The following NISCH variants were observed in gnomAD, a reference collection of about 807,000 sequenced individuals.
NISCH encodes nischarin.
A neutral mutation model predicts 138.4 loss-of-function variants in NISCH; 55 were observed. That is an observed-to-expected ratio of 0.40 (90% confidence interval 0.32 to 0.50). The LOEUF (loss-of-function observed/expected upper bound fraction) is 0.50. NISCH is among the 20% of genes least tolerant of loss of function. NISCH has a pLI of 0.71. For missense variants in NISCH, 1,643 were observed against 2,005.5 expected, an observed-to-expected ratio of 0.82 and a Z score of 3.45; for synonymous variants, 860 against 861.5, an observed-to-expected ratio of 1.00 and a Z score of 0.03.
chr3:52,473,812 T>G lies in NISCH; in HGVS notation c.748T>G (p.Ser250Ala). 6.2e-7 allele frequency: 1 copy of G among 1,608,130 alleles called. No homozygotes were observed. The highest frequency in any genetic ancestry group is 8.5e-7 in the Non-Finnish European group (1 of 1,175,466). ...PTLATLSVRF[S>A]ATSMKEVLVP... ...CTTAGCCACGCTGAGTGTCCGCTTC[T>G]CAGCAACCTCGATGAAGGTAAGCTT... The change falls in exon 7 of 21, where the codon TCA becomes GCA. Residue 250 changes from serine (S) to alanine (A), a missense_variant. Transcript: ENST00000345716.
chr3:52,474,028 A>C (rs1476632699), intron 7 of NISCH, among the ~76,000 whole-genome samples, 199 bp downstream of exon 7: 1 of 152,236 alleles, frequency 6.6e-6, no homozygotes, highest in African/African-American at 2.4e-5. Context: ...TCACATCTGC[A>C]TAAAAAGTTC....
Position 52,492,024 on chromosome 3 carries a change from G to T in NISCH, c.4057G>T (p.Ala1353Ser), listed in dbSNP as rs749260531. 3.1e-6 allele frequency: 5 copies of T among 1,613,120 alleles called. No individual in the cohort carries two copies. In the East Asian group the frequency reaches 8.9e-5, roughly 29 times the overall value. The change falls in exon 21 of 21, where the codon GCC becomes TCC. Residue 1353 changes from alanine (A) to serine (S), a missense_variant. Transcript: ENST00000345716. ...CCTCAGCATCCTGCTGTACGTGCAG[G>T]CCTTCCAGGTGGGCATGCCACCCCC... ...PALSILLYVQAFQVGMPPPGC... is the reference protein window; with the variant it reads ...PALSILLYVQSFQVGMPPPGC...
chr3:52,474,571 C>G (rs537379873), intron 7 of NISCH, among the ~76,000 whole-genome samples: 1 of 152,306 alleles, frequency 6.6e-6, no homozygotes, highest in East Asian at 1.9e-4. Flanking sequence ...GCTGGGATTA[C>G]AGGCGTGAGC....
intron 17 of NISCH, 156 bp downstream of exon 17, chr3:52,489,834 T>A: frequency 7.4e-7 from 1 of 1,347,358 alleles, no homozygotes; most frequent in Non-Finnish European, 9.9e-7. Context: ...AGTGAGGTCC[T>A]GAGTTGCCCT....
At chr3:52,480,071 C>T in intron 12 of NISCH, 113 bp from the exon 13 acceptor site, 3 of 1,222,350 alleles carry the variant, frequency 2.5e-6, no homozygotes, top group Admixed American at 1.9e-5. Context: ...ATGATGAGAC[C>T]ATCTTTACCA....
chr3:52,476,382 T>C (rs929572977), intron 7 of NISCH, 65 bp from the exon 8 acceptor site: 1 of 1,573,902 alleles, frequency 6.4e-7, no homozygotes, highest in South Asian at 1.1e-5. Context: ...CTGCAACGAC[T>C]GTGTTCCCAG....
In NISCH at chr3:52,488,573, T is replaced by G; in HGVS notation, c.3081T>G (p.Phe1027Leu). The G allele has an allele frequency of 6.2e-7, 1 of 1,611,992 alleles. No individual in the cohort carries two copies. Among genetic ancestry groups the G allele is most frequent in the Non-Finnish European group, 8.5e-7 (1 of 1,179,366 alleles). Residue 1027 changes from phenylalanine to leucine, a missense_variant, in exon 16 of 21, where the codon TTT becomes TTG. Physicochemically the swap from Phe to Leu is conservative, Grantham distance 22 (BLOSUM62 0). Coordinates refer to ENST00000345716, the MANE Select transcript of NISCH (RefSeq NM_007184.4). ...PGTGGSPQGS[F>L]ADGQPAERRA... ...CGGGAGGCAGCCCCCAGGGCTCCTT[T>G]GCGGATGGCCAGCCTGCCGAGCGCA...
At chr3:52,472,000 A>G (rs1289409193) in intron 5 of NISCH, 23 bp downstream of exon 5, 1 of 1,556,296 alleles carries the variant, frequency 6.4e-7, no homozygotes, top group Non-Finnish European at 8.7e-7. Context: ...CAGCTCAGTC[A>G]TGGAGAGCCC....
Position 52,484,378 on chromosome 3 carries a change from C to T in NISCH, c.1529-135C>T, listed in dbSNP as rs575033726. 14 of 678,210 alleles carry T rather than the reference C, an allele frequency of 2.1e-5. No individual in the cohort carries two copies. In the East Asian group the frequency reaches 3.6e-4, roughly 17 times the overall value. The allele number at this position is 678,210 out of a possible 1,614,324, so 42.0% of individuals were successfully genotyped here. A position where few individuals can be genotyped will look rare whatever the true frequency, so the allele number is the denominator to read the frequency against. Reference sequence around the variant, plus strand: ...AGTTTTAACATTTTCTTCTATAATCCATGTGGCTGGGTTTTGGGATCTGGC... The same window carrying T: ...AGTTTTAACATTTTCTTCTATAATCTATGTGGCTGGGTTTTGGGATCTGGC... On this transcript the variant is annotated intron_variant, in intron 13 of 20. Transcript: ENST00000345716.
intron 3 of NISCH, among the ~76,000 whole-genome samples, chr3:52,467,697 C>T (rs530475983): frequency 6.6e-6 from 1 of 152,382 alleles, no homozygotes; most frequent in Admixed American, 6.5e-5. Context: ...CTTTGCTTAG[C>T]AGGAGCCGGT....
intron 14 of NISCH, 68 bp downstream of exon 14, chr3:52,484,705 G>A (rs1367391010): frequency 3.8e-6 from 6 of 1,586,322 alleles, no homozygotes; most frequent in South Asian, 2.2e-5. Context: ...GGGGTTGTGT[G>A]CAGTAGGAAG....
Position 52,487,495 on chromosome 3 carries a change from G to A in NISCH, c.2003G>A (p.Gly668Glu). The A allele has an allele frequency of 6.2e-7, 1 of 1,602,298 alleles. No individual in the cohort carries two copies. Among genetic ancestry groups the A allele is most frequent in the South Asian group, 1.1e-5 (1 of 89,806 alleles). ...CCAGACGTGGAGGAGGAGGAGGGAG[G>A]AGGCCAGGGGGAGGAAGAGGAGGAG... ...GPPDVEEEEG[G>E]GQGEEEEEEE... The change falls in exon 16 of 21, where the codon GGA becomes GAA. Residue 668 changes from glycine to glutamate, a missense_variant. By Grantham distance (98) the Gly-to-Glu change is moderately conservative. Coordinates refer to ENST00000345716, the MANE Select transcript of NISCH (RefSeq NM_007184.4). The surrounding 1 kb of genome is among the most constrained non-coding windows in gnomAD (Gnocchi z 9.1).
intron 6 of NISCH, among the ~76,000 whole-genome samples, chr3:52,472,768 G>A (rs1195271684): frequency 2.6e-5 from 4 of 152,208 alleles, no homozygotes; most frequent in South Asian, 2.1e-4. Context: ...TCCCAAGGCC[G>A]ATTGGCAAAG....
intron 14 of NISCH, 138 bp downstream of exon 14, chr3:52,484,775 C>T (rs1307529951): frequency 1.7e-5 from 14 of 843,042 alleles, no homozygotes; most frequent in Admixed American, 9.3e-5. Flanking sequence ...CTTTGTGCCA[C>T]GGTCTTTCTC....
intron 20 of NISCH, 98 bp from the exon 21 acceptor site, chr3:52,491,774 C>T: frequency 1.4e-6 from 2 of 1,437,164 alleles, no homozygotes; most frequent in South Asian, 1.4e-5. Flanking sequence ...TCCTGCCTGT[C>T]TCATGCCGGG....
chr3:52,460,129 C>T (rs1183600059), intron 3 of NISCH, among the ~76,000 whole-genome samples: 17 of 124,660 alleles, frequency 1.4e-4, no homozygotes, highest in African/African-American at 5.3e-4. Context: ...TGCAGTAAGT[C>T]GAGATCATGT....
intron 11 of NISCH, among the ~76,000 whole-genome samples, chr3:52,479,419 C>A (rs1271986635): frequency 3.9e-5 from 6 of 152,164 alleles, no homozygotes; most frequent in African/African-American, 1.4e-4. Context: ...TGCCCCCTTA[C>A]CCTAGTCCCA....
intron 13 of NISCH, 151 bp from the exon 14 acceptor site, chr3:52,484,362 A>G (rs1707352340): frequency 1.6e-6 from 1 of 619,938 alleles, no homozygotes; most frequent in Admixed American, 3.0e-5. Flanking sequence ...CAGTTTTAAC[A>G]TTTTCTTCTA....
rs368246001 is a variant in NISCH, at chr3:52,479,743, C to G, written c.1303-6C>G. 1 of 1,607,190 alleles carries G rather than the reference C, an allele frequency of 6.2e-7. No homozygotes were observed. Among genetic ancestry groups the G allele is most frequent in the Non-Finnish European group, 8.5e-7 (1 of 1,175,602 alleles). The stretch of plus-strand genomic sequence containing the variant: ...CATGCTGATAGCCACTTTCTGGATG[C>G]TCTAGGTCTGTCTGGATGACACAGT... On this transcript the variant is annotated splice_polypyrimidine_tract_variant and splice_region_variant and intron_variant, in intron 11 of 20. Coordinates refer to ENST00000345716, the MANE Select transcript of NISCH (RefSeq NM_007184.4).
Sources: gnomAD v4.1 joint callset for allele counts (sites outside exome capture counted in the v4.1 genomes callset) on GRCh38, gnomAD v4.1.1 for gene constraint, Gnocchi (gnomAD v3.1) non-coding constraint, MANE v1.5 for transcripts, NCBI Gene and HGNC (gene_info 2026-07-23, HGNC 2026-07-21) for gene names.